Variants in MZT2A observed in about 807,000 individuals in gnomAD.
MZT2A encodes the protein mitotic spindle organizing protein 2A.
MZT2A carries 8 observed loss-of-function variants against 12.4 expected under a neutral mutation model. The ratio of observed to expected loss-of-function variants is 0.64; its 90% CI spans 0.38 to 1.16. MZT2A has a LOEUF of 1.16. Ranked by LOEUF, MZT2A falls within the 50% of genes most tolerant of loss-of-function variation. The probability of loss-of-function intolerance (pLI) is 0.01; values close to 1 mark genes in which losing one functional copy is unlikely to be tolerated. For missense variants in MZT2A, 181 were observed against 223.6 expected (o/e 0.81, Z 1.22); for synonymous variants, 88 against 107.5 (o/e 0.82, Z 1.12).
intron 2 of MZT2A, among the ~76,000 whole-genome samples, chr2:131,487,393 GC>G (rs1421348692): frequency 1.3e-5 from 2 of 152,252 alleles, no homozygotes; most frequent in South Asian, 4.1e-4. Context: ...TGGGAGGATT[GC>G]CTGAGCCCAC....
chr2:131,485,066 C>G (rs184195961), intron 2 of MZT2A, among the ~76,000 whole-genome samples: 553 of 152,294 alleles, frequency 3.6e-3, no homozygotes, highest in Non-Finnish European at 4.7e-3. Flanking sequence ...CAAACGTGCC[C>G]GGGTAGCAGG....
downstream of MZT2A, chr2:131,482,944 G>A: frequency 4.6e-6 from 7 of 1,535,824 alleles, no homozygotes; most frequent in South Asian, 9.0e-5. Context: ...AGCCCTCTGT[G>A]TGTCGTGCAG....
intron 2 of MZT2A, among the ~76,000 whole-genome samples, chr2:131,484,471 C>T (rs1189473495): frequency 3.9e-5 from 6 of 152,330 alleles, no homozygotes; most frequent in African/African-American, 1.4e-4. Context: ...AAGGAGCACA[C>T]TGCCAAGGGA....
rs1439905453 is a variant in MZT2A, at chr2:131,483,981, CAG to C, written c.*78_*79del. On this transcript the variant is annotated 3_prime_UTR_variant, in exon 3 of 3. Coordinates refer to ENST00000309451, the MANE Select transcript of MZT2A (RefSeq NM_001085365.2). ...CATCTGACCTGGACCCTCTGCATCT[CAG>C]AAAGGTTTATTATCAACTGAAGGAG... 1.3e-6 allele frequency: 2 copies of C among 1,512,748 alleles called. No individual in the cohort carries two copies. Among genetic ancestry groups the C allele is most frequent in the Non-Finnish European group, 1.8e-6 (2 of 1,129,732 alleles). 93.7% of individuals were successfully genotyped at this position (1,512,748 alleles called of 1,614,324 possible).
chr2:131,476,089 G>A, intron 2 of MZT2A: 1 of 1,544,980 alleles, frequency 6.5e-7, no homozygotes, highest in African/African-American at 1.4e-5. Flanking sequence ...GGCACCGGCG[G>A]GCCAATCCCG....
Position 131,477,428 on chromosome 2 carries a change from G to A in MZT2A, c.279-5246C>T, listed in dbSNP as rs540337403. On this transcript the variant is annotated intron_variant and NMD_transcript_variant, in intron 2 of 4. Coordinates refer to the MZT2A transcript ENST00000427024. ...TACAGGCTTCAAGGGGTAGAGAGAG[G>A]GAGTGGTTACAAGAAATTGGGAGGG... Among the ~76,000 whole-genome samples, 289 of 152,250 alleles carry A rather than the reference G, an allele frequency of 1.9e-3. 1 individual carries two copies. The highest frequency in any genetic ancestry group is 6.5e-3 in the African/African-American group (269 of 41,534).
chr2:131,473,145 A>G (rs535529668), intron 2 of MZT2A, among the ~76,000 whole-genome samples: 148 of 152,104 alleles, frequency 9.7e-4, no homozygotes, highest in African/African-American at 3.5e-3. Flanking sequence ...TGGGGCTTTT[A>G]GCCTCCAGAA....
chr2:131,481,503 T>C (rs1441484646), downstream of MZT2A, among the ~76,000 whole-genome samples: 1 of 151,078 alleles, frequency 6.6e-6, no homozygotes, highest in Non-Finnish European at 1.5e-5. Flanking sequence ...TGGCGTGATC[T>C]TGACTCACTG....
rs762631194 is a variant in MZT2A at position 131,478,189 on chromosome 2, G to A, written c.279-6007C>T. 2.5e-6 allele frequency: 4 copies of A among 1,613,232 alleles called. No homozygotes were observed. The Admixed American group carries it at 6.7e-5, about 27-fold the overall frequency. On this transcript the variant is annotated intron_variant and NMD_transcript_variant, in intron 2 of 4. Coordinates refer to the MZT2A transcript ENST00000427024. ...CGCGAGTGTATCTCTATCCACGTGG[G>A]GCAGGCGGGTGTCCAGATCGGCAAT...
upstream of MZT2A, chr2:131,493,064 C>A: frequency 6.7e-7 from 1 of 1,491,766 alleles, no homozygotes; most frequent in Non-Finnish European, 9.0e-7. Context: ...CTGCGCGCAG[C>A]TTGATGACGA....
At chr2:131,492,912 C>T, upstream of MZT2A, 3 of 1,516,616 alleles carry the variant, frequency 2.0e-6, no homozygotes, top group Middle Eastern at 3.8e-4. Flanking sequence ...AGCTAAGGAC[C>T]ACTCCCTCCC....
intron 2 of MZT2A, among the ~76,000 whole-genome samples, chr2:131,487,983 T>A (rs1679122624): frequency 6.6e-6 from 1 of 152,194 alleles, no homozygotes; most frequent in Non-Finnish European, 1.5e-5. Context: ...CCCTGGCTAG[T>A]CCTGAACTGC....
downstream of MZT2A, chr2:131,480,219 C>G: frequency 6.2e-7 from 1 of 1,613,960 alleles, no homozygotes; most frequent in Non-Finnish European, 8.5e-7. Context: ...CCCAGCCCCC[C>G]AGGTCTCCAC....
At chr2:131,479,670 T>C (rs1472208842), downstream of MZT2A, among the ~76,000 whole-genome samples, 2 of 152,122 alleles carry the variant, frequency 1.3e-5, no homozygotes, top group African/African-American at 2.4e-5. Flanking sequence ...TGAAACTCTA[T>C]GTCTACTAAA....
chr2:131,480,515 A>C, downstream of MZT2A: 1 of 1,599,620 alleles, frequency 6.3e-7, no homozygotes, highest in Non-Finnish European at 8.5e-7. Context: ...CCTATGCCCC[A>C]GTCATCTCAG....
upstream of MZT2A, chr2:131,492,966 C>A: frequency 3.3e-6 from 5 of 1,525,226 alleles, no homozygotes; most frequent in Non-Finnish European, 4.4e-6. Flanking sequence ...GCCGGCCGGC[C>A]GGCCTTCTTC....
At chr2:131,474,318 C>G (rs1488564567) in intron 2 of MZT2A, among the ~76,000 whole-genome samples, 1 of 151,570 alleles carries the variant, frequency 6.6e-6, no homozygotes, top group Non-Finnish European at 1.5e-5. Context: ...AGGATGGTCT[C>G]GATCTCCTGA....
At chr2:131,484,253 A>G (rs1320163058) in intron 2 of MZT2A, 35 bp from the exon 3 acceptor site, 17 of 1,602,438 alleles carry the variant, frequency 1.1e-5, no homozygotes, top group Non-Finnish European at 1.4e-5. Context: ...TTAGGAATGG[A>G]CGCGCCCCAT....
intron 2 of MZT2A, chr2:131,490,829 G>A (rs907984655): frequency 4.6e-5 from 71 of 1,549,878 alleles, no homozygotes; most frequent in African/African-American, 2.6e-4. Context: ...CGCAGGCTGC[G>A]GGCTGGAGGA....
Sources: gnomAD v4.1 joint callset for allele counts (sites outside exome capture counted in the v4.1 genomes callset) on GRCh38, gnomAD v4.1.1 for gene constraint, MANE v1.5 for transcripts, NCBI Gene and HGNC (gene_info 2026-07-23, HGNC 2026-07-21) for gene names.